The following BEST3 variants were observed in gnomAD, a reference collection of about 807,000 sequenced individuals.
BEST3 encodes bestrophin-3.
Under a neutral mutation model 47.1 loss-of-function variants are expected in BEST3, and 50 were observed. The ratio of observed to expected loss-of-function variants is 1.06; its 90% CI spans 0.85 to 1.34. The LOEUF (loss-of-function observed/expected upper bound fraction) is 1.34. Ranked by LOEUF, BEST3 falls within the 40% of genes most tolerant of loss-of-function variation. The pLI, the probability that BEST3 is intolerant of heterozygous loss-of-function variation, is 0.00. For synonymous variants in BEST3, 282 were observed against 298.8 expected, an observed-to-expected ratio of 0.94 and a Z score of 0.58; for missense variants, 765 against 817.0, an observed-to-expected ratio of 0.94 and a Z score of 0.78.
chr12:69,680,945 A>T (rs111279169), intron 4 of BEST3, among the ~76,000 whole-genome samples: 1 of 75,058 alleles, frequency 1.3e-5, no homozygotes, highest in South Asian at 3.8e-4. Flanking sequence ...ATTAATTAAT[A>T]GTTAATAGTA....
chr12:69,654,970 G>C lies in BEST3; in HGVS notation c.1944C>G (p.Asn648Lys). The C allele has an allele frequency of 2.5e-6, 4 of 1,613,958 alleles. No individual in the cohort carries two copies. Among genetic ancestry groups the C allele is most frequent in the Non-Finnish European group, 3.4e-6 (4 of 1,179,968 alleles). Residue 648 changes from asparagine to lysine, a missense_variant, in exon 10 of 10, where the codon AAC (asparagine) becomes AAG (lysine). Asn to Lys is a moderately conservative substitution (Grantham distance 94). Coordinates refer to ENST00000330891, the MANE Select transcript of BEST3 (RefSeq NM_032735.3). ...VSSDMLYLMENLDTKETDIIE... is the reference protein window; with the variant it reads ...VSSDMLYLMEKLDTKETDIIE... ...TGATATCTGTTTCCTTGGTGTCCAG[G>C]TTTTCCATTAAATACAGCATATCAG...
At chr12:69,660,061 C>CT (rs1030682311) in intron 9 of BEST3, 1 of 152,144 alleles carries the variant, frequency 6.6e-6, no homozygotes, top group African/African-American at 2.4e-5. Context: ...GCCAGGATTG[C>CT]TGTGTCTATG....
chr12:69,649,317 A>G (rs1160049181), downstream of BEST3, among the ~76,000 whole-genome samples: 1 of 152,178 alleles, frequency 6.6e-6, no homozygotes, highest in Non-Finnish European at 1.5e-5. Context: ...TCTTTATATA[A>G]AGTATAATCT....
chr12:69,648,054 ATCCCTT>A (rs1187968342), intron 9 of BEST3, among the ~76,000 whole-genome samples: 1 of 152,224 alleles, frequency 6.6e-6, no homozygotes, highest in African/African-American at 2.4e-5. Context: ...ACAATTAGGC[ATCCCTT>A]TACATTTTTC....
chr12:69,693,551 CACCGCGCCCA>C, intron 4 of BEST3, 113 bp downstream of exon 4: 3 of 837,146 alleles, frequency 3.6e-6, no homozygotes, highest in Non-Finnish European at 5.5e-6. Context: ...AGGCATGAGC[CACCGCGCCCA>C]ACCAATAAAT....
intron 9 of BEST3, among the ~76,000 whole-genome samples, chr12:69,647,343 G>A (rs951532178): frequency 3.9e-5 from 6 of 152,138 alleles, no homozygotes; most frequent in Non-Finnish European, 7.3e-5. Context: ...ATTTTTAGTC[G>A]GCTTTTGTGC....
At chr12:69,658,525 G>A (rs943523408) in intron 9 of BEST3, among the ~76,000 whole-genome samples, 2 of 152,140 alleles carry the variant, frequency 1.3e-5, no homozygotes, top group African/African-American at 4.8e-5. Context: ...GATGCATGAG[G>A]TTTATCTGTT....
intron 4 of BEST3, among the ~76,000 whole-genome samples, chr12:69,679,539 C>T (rs1206883320): frequency 6.6e-6 from 1 of 152,138 alleles, no homozygotes; most frequent in Non-Finnish European, 1.5e-5. Flanking sequence ...GTTCATCGTC[C>T]CCATAGCATT....
In BEST3 at chr12:69,655,664, G is replaced by T; in HGVS notation, c.1250C>A (p.Thr417Lys). 1 of 1,614,056 alleles carries T rather than the reference G, an allele frequency of 6.2e-7. No individual in the cohort carries two copies. ...GGGTAAGAACATGGAGCTGTCACTT[G>T]TCTGCCTCCTGTAGCTTCTTCTTCT... is the stretch of plus-strand genomic sequence containing the variant. ...SPRRRSYRRQ[T>K]SDSSMFLPRD... The change falls in exon 10 of 10, where the codon ACA becomes AAA. Residue 417 changes from threonine to lysine, a missense_variant. By Grantham distance (78) the Thr-to-Lys change is moderately conservative (BLOSUM62 -1). Coordinates refer to ENST00000330891, the MANE Select transcript of BEST3 (RefSeq NM_032735.3).
chr12:69,674,154 G>A (rs2135970998), intron 7 of BEST3, among the ~76,000 whole-genome samples: 1 of 152,144 alleles, frequency 6.6e-6, no homozygotes, highest in East Asian at 1.9e-4. Context: ...AATTTTAAAT[G>A]TGTAAAATAA....
intron 4 of BEST3, among the ~76,000 whole-genome samples, chr12:69,687,618 C>G (rs1242074732): frequency 6.9e-6 from 1 of 144,446 alleles, no homozygotes; most frequent in East Asian, 2.3e-4. Context: ...AAGCTATGAC[C>G]GTGCTACTGC....
At chr12:69,647,602 C>T (rs1013893231) in intron 9 of BEST3, among the ~76,000 whole-genome samples, 24 of 152,054 alleles carry the variant, frequency 1.6e-4, no homozygotes, top group African/African-American at 5.1e-4. Context: ...ATAATTGGCT[C>T]ACTCTATGGA....
In BEST3 at chr12:69,674,892, C is replaced by CTT. The variant is rs35297025; in HGVS notation, c.868-1929_868-1928dup. ...GGCACAACCCATGGTTTAGGTTTGC[C>CTT]TTTTTTTTTTTTTTTTTTTTTGGAG... is the stretch of plus-strand genomic sequence containing the variant. On this transcript the variant is annotated intron_variant, in intron 7 of 9. Coordinates refer to ENST00000330891, the MANE Select transcript of BEST3 (RefSeq NM_032735.3). Among the ~76,000 whole-genome samples, 571 of 109,384 alleles carry CTT rather than the reference C, an allele frequency of 5.2e-3. 10 individuals carry two copies. The highest frequency in any genetic ancestry group is 0.047 in the East Asian group (166 of 3,536). The allele number at this position is 109,384 out of a possible 152,430, so 71.8% of individuals were successfully genotyped here.
At chr12:69,643,624 C>G (rs1565814814) in exon 10 of BEST3, 4 of 594,076 alleles carry the variant, frequency 6.7e-6, no homozygotes, top group Non-Finnish European at 9.4e-6. Context: ...TTCAGTTGAG[C>G]AGCAGATGAG....
At chr12:69,680,310 C>CTTCTTTTTTTGTTTTTTT (rs763385722) in intron 4 of BEST3, among the ~76,000 whole-genome samples, 1 of 95,032 alleles carries the variant, frequency 1.1e-5, no homozygotes, top group Non-Finnish European at 2.0e-5. Context: ...TACACTTGAT[C>CTTCTTTTTTTGTTTTTTT]TTTTTTTTTT....
chr12:69,643,565 A>G (rs1168050373), exon 10 of BEST3: 13 of 525,954 alleles, frequency 2.5e-5, no homozygotes, highest in African/African-American at 5.8e-5. Flanking sequence ...AATAAAGTGC[A>G]TTTCTTAGGA....
In BEST3 at chr12:69,671,548, A is replaced by G. The variant is rs1204378220; in HGVS notation, c.980T>C (p.Met327Thr). The change falls in exon 9 of 10, where the codon ATG becomes ACG. Residue 327 changes from methionine (M) to threonine (T), a missense_variant. By Grantham distance (81) the Met-to-Thr change is moderately conservative. Coordinates refer to ENST00000330891, the MANE Select transcript of BEST3 (RefSeq NM_032735.3). ...VSLLAVDEMH[M>T]SLPKMKKDIY... ...GTCCTTCTTCATCTTGGGTAAGCTC[A>G]TGTGCATTTCGTCCACAGCTAAAAG... 4 of 1,613,926 alleles carry G rather than the reference A, an allele frequency of 2.5e-6. No individual in the cohort carries two copies. Among genetic ancestry groups the G allele is most frequent in the South Asian group, 2.2e-5 (2 of 91,074 alleles).
At chr12:69,696,801 T>C (rs1190772483) in intron 2 of BEST3, among the ~76,000 whole-genome samples, 2 of 152,058 alleles carry the variant, frequency 1.3e-5, no homozygotes, top group Admixed American at 6.5e-5. Flanking sequence ...ACTATGAACA[T>C]AGAAAAAATG....
In BEST3 at chr12:69,693,512, G is replaced by A. The variant is rs201064015; in HGVS notation, c.481+162C>T. Among the ~76,000 whole-genome samples, 13 of 152,198 alleles carry A rather than the reference G, an allele frequency of 8.5e-5. No homozygotes were observed. In the East Asian group the frequency reaches 1.7e-3, roughly 20 times the overall value. On this transcript the variant is annotated intron_variant, in intron 4 of 9. Coordinates refer to ENST00000330891, the MANE Select transcript of BEST3 (RefSeq NM_032735.3). ...ACTCCTGACCTCAGATGATCCGCCCGCCTCCACCTTCCAAAGTGCTGGGAT... is the reference window on the plus strand; with the variant it reads ...ACTCCTGACCTCAGATGATCCGCCCACCTCCACCTTCCAAAGTGCTGGGAT...
Sources: gnomAD v4.1 joint callset for allele counts (sites outside exome capture counted in the v4.1 genomes callset) on GRCh38, gnomAD v4.1.1 for gene constraint, MANE v1.5 for transcripts, NCBI Gene and HGNC (gene_info 2026-07-23, HGNC 2026-07-21) for gene names.